MYH13: variants seen among roughly 807,000 people sequenced by gnomAD.
The protein encoded by MYH13 is myosin-13.
In MYH13, 177 loss-of-function variants were observed where a neutral mutation model predicts 232.1. That is an observed-to-expected ratio of 0.76 (90% CI 0.67 to 0.86). MYH13 has a LOEUF of 0.86. Among genes scored for constraint, MYH13 ranks in the 40% least tolerant of loss-of-function variants. The pLI is 0.00. For missense variants in MYH13, 2,246 were observed against 2,405.9 expected (o/e 0.93, Z 1.39); for synonymous variants, 884 against 923.5 (o/e 0.96, Z 0.78).
intron 35 of MYH13, among the ~76,000 whole-genome samples, chr17:10,307,916 A>G (rs1017714795): frequency 6.6e-6 from 1 of 152,206 alleles, no homozygotes; most frequent in African/African-American, 2.4e-5. Flanking sequence ...TAAAAGTAAA[A>G]TTTTTATTGA....
intron 29 of MYH13, 74 bp from the exon 30 acceptor site, chr17:10,313,428 G>T: frequency 6.3e-7 from 1 of 1,598,810 alleles, no homozygotes; most frequent in Non-Finnish European, 8.5e-7. Flanking sequence ...CATTTAAATC[G>T]CTTTCCCCCA....
chr17:10,371,144 C>T (rs866984088), intron 2 of MYH13, 65 bp downstream of exon 2: 2 of 152,036 alleles, frequency 1.3e-5, no homozygotes, highest in Admixed American at 1.3e-4. Context: ...AGAATGAGAA[C>T]GTGTAAAATG....
At position 10,345,521 on chromosome 17, in the gene MYH13, C is replaced by T. The variant is rs1269007737; in HGVS notation, c.1359G>A (p.Gln453=). 4 of 1,614,060 alleles carry T rather than the reference C, an allele frequency of 2.5e-6. No homozygotes were observed. The highest frequency in any genetic ancestry group is 3.3e-5 in the Admixed American group (2 of 59,990). The change falls in exon 14 of 41, where the codon CAG becomes CAA. Residue 453 remains glutamine (Q), a synonymous_variant. Transcript: ENST00000252172. ...AGACCCCGATGAAGTACTGCCTGGGCTGCTTGGTGTCCAGCTGCTGGTTGA... is the reference window on the plus strand; with the variant it reads ...AGACCCCGATGAAGTACTGCCTGGGTTGCTTGGTGTCCAGCTGCTGGTTGA... ...TRINQQLDTK[Q]PRQYFIGVLD...
chr17:10,364,616 C>T (rs2071819370), intron 2 of MYH13, 74 bp from the exon 3 acceptor site: 4 of 1,322,964 alleles, frequency 3.0e-6, no homozygotes, highest in Admixed American at 2.1e-5. Flanking sequence ...TACCCTTATT[C>T]TATTAAAACG....
At chr17:10,302,001 A>G (rs769033852) in intron 39 of MYH13, among the ~76,000 whole-genome samples, 1 of 152,152 alleles carries the variant, frequency 6.6e-6, no homozygotes, top group Non-Finnish European at 1.5e-5. Context: ...ACCTAAGTCC[A>G]GAGCTCTCCC....
intron 7 of MYH13, among the ~76,000 whole-genome samples, chr17:10,359,610 AG>A (rs978650068): frequency 6.6e-6 from 1 of 152,168 alleles, no homozygotes. Flanking sequence ...CTTGCTTAGA[AG>A]TTCAGGAGGC....
In MYH13 at chr17:10,362,290, C is replaced by T; in HGVS notation, c.349-16G>A. 1 of 1,613,854 alleles carries T rather than the reference C, an allele frequency of 6.2e-7. No homozygotes were observed. ...CTGAGTAGGTCTGGGAAGATCAGAA[C>T]ATTTATCATTTGGATCTCGTTTTTA... is the stretch of plus-strand genomic sequence containing the variant. On this transcript the variant is annotated splice_polypyrimidine_tract_variant and intron_variant, in intron 4 of 40. Coordinates refer to ENST00000252172, the MANE Select transcript of MYH13 (RefSeq NM_003802.3).
chr17:10,308,946 A>G (rs1906389502), intron 35 of MYH13, among the ~76,000 whole-genome samples: 1 of 152,254 alleles, frequency 6.6e-6, no homozygotes, highest in South Asian at 2.1e-4. Context: ...TAGTACTTCC[A>G]GGTGCCTTAC....
chr17:10,303,398 T>TA lies in MYH13; in HGVS notation c.5566dup (p.Tyr1856LeufsTer4). 6.2e-7 allele frequency: 1 copy of TA among 1,613,816 alleles called. No homozygotes were observed. Among genetic ancestry groups the TA allele is most frequent in the Non-Finnish European group, 8.5e-7 (1 of 1,179,710 alleles). On this transcript the variant is annotated frameshift_variant, in exon 38 of 41. Transcript: ENST00000252172. LOFTEE classifies it high-confidence loss of function. The stretch of plus-strand genomic sequence containing the variant: ...GGAGGTTTTTGGGACCCCTACCTGG[T>TA]AAGTCATCTCCTTGACTTTGCGTTC...
At position 10,321,552 on chromosome 17, in the gene MYH13, G is replaced by A. The variant is rs199838645; in HGVS notation, c.3091C>T (p.Leu1031Phe). Residue 1031 changes from leucine (L) to phenylalanine (F), a missense_variant, in exon 24 of 41, where the codon CTT (leucine) becomes TTT (phenylalanine). By Grantham distance (22) the Leu-to-Phe change is conservative. Coordinates refer to ENST00000252172, the MANE Select transcript of MYH13 (RefSeq NM_003802.3). ...CTCACATCATCTGTTTGCTGTTCAA[G>A]CTTGGCATTTATTTTGATTAGACCA... The part of the protein sequence containing the change: ...VNGLIKINAK[L>F]EQQTDDLEGS... The A allele has an allele frequency of 1.3e-5, 21 of 1,612,532 alleles. No individual in the cohort carries two copies. In the Admixed American group the frequency reaches 3.5e-4, roughly 27 times the overall value.
intron 12 of MYH13, among the ~76,000 whole-genome samples, chr17:10,349,536 G>C (rs757504309): frequency 6.6e-6 from 1 of 152,016 alleles, no homozygotes; most frequent in Non-Finnish European, 1.5e-5. Context: ...TGTTTCCTGT[G>C]TGAAGACTTG....
intron 12 of MYH13, among the ~76,000 whole-genome samples, chr17:10,350,268 C>T (rs1567669782): frequency 6.6e-6 from 1 of 151,994 alleles, no homozygotes; most frequent in Non-Finnish European, 1.5e-5. Flanking sequence ...AAAAGTCCAC[C>T]TTAAAAAAAA....
chr17:10,362,065 G>A, intron 5 of MYH13, 53 bp downstream of exon 5: 1 of 1,612,330 alleles, frequency 6.2e-7, no homozygotes, highest in Non-Finnish European at 8.5e-7. Flanking sequence ...TCAAAAGCTT[G>A]AAAAATTAAC....
intron 1 of MYH13, among the ~76,000 whole-genome samples, chr17:10,372,170 A>G (rs1390458606): frequency 1.3e-5 from 2 of 152,238 alleles, no homozygotes; most frequent in African/African-American, 4.8e-5. Context: ...TTAAAAAATT[A>G]AAGTATTACA....
intron 2 of MYH13, among the ~76,000 whole-genome samples, chr17:10,366,368 A>C (rs1361054590): frequency 1.4e-5 from 2 of 142,392 alleles, no homozygotes; most frequent in African/African-American, 5.1e-5. Flanking sequence ...TATCTCTCTT[A>C]AGAAATAAAT....
chr17:10,340,141 G>A lies in MYH13; in HGVS notation c.2056+9C>T. On this transcript the variant is annotated intron_variant, in intron 18 of 40. Transcript: ENST00000252172. ...GTTCAAATACTTGGCAAGATCTGCTGGTACTCACCAGGAGTCTTGGTCTCA... is the reference window on the plus strand; with the variant it reads ...GTTCAAATACTTGGCAAGATCTGCTAGTACTCACCAGGAGTCTTGGTCTCA... The A allele has an allele frequency of 6.2e-7, 1 of 1,610,070 alleles. No homozygotes were observed. Among genetic ancestry groups the A allele is most frequent in the Middle Eastern group, 1.7e-4 (1 of 6,056 alleles).
At position 10,321,679 on chromosome 17, in the gene MYH13, T is replaced by G; in HGVS notation, c.2964A>C (p.Ala988=). 4 of 1,613,456 alleles carry G rather than the reference T, an allele frequency of 2.5e-6. No homozygotes were observed. The highest frequency in any genetic ancestry group is 3.4e-6 in the Non-Finnish European group (4 of 1,179,720). The change falls in exon 24 of 41, where the codon GCA becomes GCC. Residue 988 remains alanine (A), a synonymous_variant. Transcript: ENST00000252172. The part of the protein sequence containing the change: ...KVKNLSEEMT[A]LEENISKLTK... ...TCAATTTGGAAATGTTTTCTTCAAGTGCTGTCATTTCTTCGGAAAGATTCT... is the reference window on the plus strand; with the variant it reads ...TCAATTTGGAAATGTTTTCTTCAAGGGCTGTCATTTCTTCGGAAAGATTCT...
chr17:10,318,943 G>A lies in MYH13; in HGVS notation c.3585C>T (p.Thr1195=). 1 of 1,614,100 alleles carries A rather than the reference G, an allele frequency of 6.2e-7. No individual in the cohort carries two copies. ...CACTATCTGCTTGCTTCTTCCTCAG[G>A]GTGGCTGCTGTGGCTTCGTGCTGCA... ...ATLQHEATAA[T]LRKKQADSVA... is the part of the protein sequence containing the mutation. The change falls in exon 27 of 41, where the codon ACC becomes ACT. Residue 1195 remains threonine, a synonymous_variant. Transcript: ENST00000252172.
At chr17:10,335,159 T>C (rs2142249417) in intron 18 of MYH13, among the ~76,000 whole-genome samples, 1 of 152,288 alleles carries the variant, frequency 6.6e-6, no homozygotes, top group Middle Eastern at 3.4e-3. Context: ...ATGCCACAAG[T>C]GGAGAATTCC....
Sources: allele counts gnomAD v4.1 joint callset (sites outside exome capture counted in the v4.1 genomes callset), GRCh38; gene constraint gnomAD v4.1.1; transcripts MANE v1.5; gene names NCBI Gene and HGNC (gene_info 2026-07-23, HGNC 2026-07-21).